SORCS3: variants seen among roughly 807,000 people sequenced by gnomAD.
SORCS3 encodes VPS10 domain-containing receptor SorCS3.
SORCS3 carries 57 observed loss-of-function variants against 146.3 expected under a neutral mutation model. That is an observed-to-expected ratio of 0.39 (90% CI 0.31 to 0.49). SORCS3 has a LOEUF of 0.49. SORCS3 is among the 20% of genes least tolerant of loss of function. The pLI, the probability that SORCS3 is intolerant of heterozygous loss-of-function variation, is 0.92. For synonymous variants in SORCS3, 653 were observed against 618.5 expected (o/e 1.06, Z -0.83); for missense variants, 1,341 against 1,575.5 (o/e 0.85, Z 2.52).
intron 7 of SORCS3, among the ~76,000 whole-genome samples, chr10:105,129,147 A>G (rs375668786): frequency 6.6e-6 from 1 of 152,110 alleles, no homozygotes; most frequent in African/African-American, 2.4e-5. Context: ...TAGTTTGAGT[A>G]TATTTCATTT....
At chr10:105,171,293 G>T (rs1006364697) in intron 13 of SORCS3, among the ~76,000 whole-genome samples, 1 of 152,166 alleles carries the variant, frequency 6.6e-6, no homozygotes, top group South Asian at 2.1e-4. Flanking sequence ...ACTTTTGGAT[G>T]CATTGAGATT....
At chr10:105,058,576 C>T (rs1475259192) in intron 5 of SORCS3, among the ~76,000 whole-genome samples, 1 of 152,100 alleles carries the variant, frequency 6.6e-6, no homozygotes, top group Non-Finnish European at 1.5e-5. Flanking sequence ...AGAAACTCAA[C>T]AGGTTAGGGA....
intron 3 of SORCS3, among the ~76,000 whole-genome samples, chr10:104,944,786 G>T (rs1422050789): frequency 1.3e-5 from 2 of 152,118 alleles, no homozygotes; most frequent in African/African-American, 4.8e-5. Flanking sequence ...TAGAAAACCG[G>T]CAGTGTCTCC....
At chr10:104,664,050 A>T (rs1180762732) in intron 1 of SORCS3, among the ~76,000 whole-genome samples, 1 of 152,232 alleles carries the variant, frequency 6.6e-6, no homozygotes, top group Non-Finnish European at 1.5e-5. Flanking sequence ...ATCTGGGCTC[A>T]GGCATGACTT....
intron 1 of SORCS3, among the ~76,000 whole-genome samples, chr10:104,765,979 G>A (rs1374663362): frequency 6.6e-6 from 1 of 152,194 alleles, no homozygotes; most frequent in Non-Finnish European, 1.5e-5. Flanking sequence ...GGTATCCACA[G>A]CTACTAACTT....
intron 23 of SORCS3, 137 bp downstream of exon 23, chr10:105,253,043 C>T: frequency 3.1e-6 from 3 of 960,476 alleles, no homozygotes; most frequent in East Asian, 5.4e-5. Flanking sequence ...AGCAATCACC[C>T]TTACCCAGAG....
chr10:104,948,162 C>A (rs1416092652), intron 3 of SORCS3, among the ~76,000 whole-genome samples: 1 of 151,900 alleles, frequency 6.6e-6, no homozygotes, highest in Non-Finnish European at 1.5e-5. Flanking sequence ...GGACACCAAT[C>A]CCTGCCTGGT....
At chr10:105,257,129 T>C (rs1173428720) in intron 25 of SORCS3, among the ~76,000 whole-genome samples, 4 of 152,198 alleles carry the variant, frequency 2.6e-5, no homozygotes, top group African/African-American at 9.7e-5. Context: ...TTATGATTTA[T>C]AGGTGTAATG....
intron 2 of SORCS3, among the ~76,000 whole-genome samples, chr10:104,893,779 T>C (rs995722091): frequency 6.6e-6 from 1 of 152,202 alleles, no homozygotes; most frequent in African/African-American, 2.4e-5. Context: ...TTTCCAGTTA[T>C]TTCCTTCTCA....
At chr10:105,091,101 C>G (rs113718437) in intron 6 of SORCS3, among the ~76,000 whole-genome samples, 4,281 of 139,578 alleles carry the variant, frequency 0.031, 201 homozygotes, top group African/African-American at 0.1. Context: ...CTCCTGTCCT[C>G]CCTCCCTTTT....
chr10:105,000,459 G>A (rs571702839), intron 4 of SORCS3, among the ~76,000 whole-genome samples: 1 of 152,120 alleles, frequency 6.6e-6, no homozygotes, highest in African/African-American at 2.4e-5. Context: ...ACCGGTGGTG[G>A]TGGTAGTGGT....
At chr10:104,715,168 C>T (rs1427634765) in intron 1 of SORCS3, among the ~76,000 whole-genome samples, 3 of 152,116 alleles carry the variant, frequency 2.0e-5, no homozygotes, top group African/African-American at 7.2e-5. Context: ...CTGGGTGTGT[C>T]TGTGAGGGTG....
intron 5 of SORCS3, among the ~76,000 whole-genome samples, chr10:105,057,082 A>G (rs1027451570): frequency 1.3e-5 from 2 of 152,180 alleles, no homozygotes; most frequent in African/African-American, 4.8e-5. Context: ...AGTGGGAAGA[A>G]CCATGAGAGA....
intron 7 of SORCS3, 143 bp from the exon 8 acceptor site, chr10:105,139,254 T>C: frequency 1.5e-6 from 1 of 662,778 alleles, no homozygotes; most frequent in East Asian, 2.6e-5. Context: ...TGCCATGGGA[T>C]TAGAGACCCA....
At chr10:105,050,862 G>T (rs1438399416) in intron 5 of SORCS3, among the ~76,000 whole-genome samples, 1 of 151,878 alleles carries the variant, frequency 6.6e-6, no homozygotes, top group Non-Finnish European at 1.5e-5. Context: ...CTTCTGTCTT[G>T]GACTACTTCC....
At chr10:104,809,778 A>T (rs1455841871) in intron 1 of SORCS3, among the ~76,000 whole-genome samples, 1 of 152,186 alleles carries the variant, frequency 6.6e-6, no homozygotes, top group Non-Finnish European at 1.5e-5. Flanking sequence ...GTTGTGTGGG[A>T]TAGCTACTCT....
At chr10:104,769,555 T>A (rs1426426266) in intron 1 of SORCS3, among the ~76,000 whole-genome samples, 1 of 152,160 alleles carries the variant, frequency 6.6e-6, no homozygotes, top group Non-Finnish European at 1.5e-5. Context: ...TGGAAGAAGC[T>A]GGCAAGCATT....
chr10:105,064,736 A>AGCTGC (rs2055511388), intron 5 of SORCS3, among the ~76,000 whole-genome samples: 1 of 144,154 alleles, frequency 6.9e-6, no homozygotes, highest in Non-Finnish European at 1.6e-5. Flanking sequence ...GGAAGGAGAT[A>AGCTGC]AAAAGGGAGA....
At chr10:105,118,669 T>C (rs2055910182) in intron 7 of SORCS3, among the ~76,000 whole-genome samples, 1 of 152,112 alleles carries the variant, frequency 6.6e-6, no homozygotes, top group Admixed American at 6.6e-5. Flanking sequence ...AAGTCCAGGC[T>C]GAGGTGGTGT....
Sources: allele counts gnomAD v4.1 joint callset (sites outside exome capture counted in the v4.1 genomes callset), GRCh38; gene constraint gnomAD v4.1.1; transcripts MANE v1.5; gene names NCBI Gene and HGNC (gene_info 2026-07-23, HGNC 2026-07-21).